The following NDST3 variants were observed in gnomAD, a reference collection of about 807,000 sequenced individuals.
NDST3 encodes the protein N-deacetylase and N-sulfotransferase 3, also known as bifunctional heparan sulfate N-deacetylase/N-sulfotransferase 3.
NDST3 carries 58 observed loss-of-function variants against 96.1 expected under a neutral mutation model. That is an observed-to-expected ratio of 0.60 (90% CI 0.49 to 0.75). The LOEUF is 0.75. Among genes scored for constraint, NDST3 ranks in the 30% least tolerant of loss-of-function variants. The probability of loss-of-function intolerance (pLI) is 0.00; values close to 1 mark genes in which losing one functional copy is unlikely to be tolerated. For missense variants in NDST3, 788 were observed against 1,034.2 expected, an observed-to-expected ratio of 0.76 and a Z score of 3.27; for synonymous variants, 333 against 359.7, an observed-to-expected ratio of 0.93 and a Z score of 0.84.
intron 6 of NDST3, among the ~76,000 whole-genome samples, chr4:118,169,505 T>A (rs544897509): frequency 2.6e-5 from 4 of 151,940 alleles, no homozygotes; most frequent in Non-Finnish European, 5.9e-5. Flanking sequence ...CAGAAAAACC[T>A]GAAGTGGGCC....
chr4:118,136,295 A>G (rs1039494437), intron 4 of NDST3, among the ~76,000 whole-genome samples: 3 of 152,228 alleles, frequency 2.0e-5, no homozygotes, highest in Non-Finnish European at 4.4e-5. Context: ...CACCAGAAAT[A>G]ATAAAGTTAC....
chr4:118,106,370 G>C lies in NDST3; in HGVS notation c.1069+1265G>C, dbSNP rs767393894. On this transcript the variant is annotated intron_variant, in intron 3 of 13. Coordinates refer to ENST00000296499, the MANE Select transcript of NDST3 (RefSeq NM_004784.3). ...ATGAATTTTTTTTCTTTTTGAGACA[G>C]GATCTTGCTCTGTTGCCCAGGATAG... 7.0e-4 allele frequency among the ~76,000 whole-genome samples: 107 copies of C among 151,952 alleles called. No individual in the cohort carries two copies. The Middle Eastern group carries it at 0.01, about 14-fold the overall frequency.
chr4:118,218,096 C>T (rs757408120), intron 6 of NDST3, among the ~76,000 whole-genome samples: 10 of 151,980 alleles, frequency 6.6e-5, no homozygotes, highest in Non-Finnish European at 1.3e-4. Context: ...GATACACAGC[C>T]GAATTCTACC....
intron 6 of NDST3, among the ~76,000 whole-genome samples, chr4:118,191,288 T>C (rs758141449): frequency 4.6e-5 from 7 of 152,180 alleles, no homozygotes; most frequent in Non-Finnish European, 8.8e-5. Context: ...TTGTGCAAAT[T>C]AAAACAATGG....
At chr4:118,201,271 A>G (rs1738068625) in intron 6 of NDST3, among the ~76,000 whole-genome samples, 1 of 152,198 alleles carries the variant, frequency 6.6e-6, no homozygotes, top group African/African-American at 2.4e-5. Flanking sequence ...TTTTTGGTAG[A>G]ATGATTTATT....
At chr4:118,170,539 C>T (rs1025090924) in intron 6 of NDST3, among the ~76,000 whole-genome samples, 17 of 152,230 alleles carry the variant, frequency 1.1e-4, no homozygotes, top group African/African-American at 3.9e-4. Flanking sequence ...ACCAGCCTGG[C>T]CAATATGGTG....
rs187823755 is a variant in NDST3 at position 118,186,417 on chromosome 4, C to T, written c.1540-38074C>T. Among the ~76,000 whole-genome samples, 9 of 152,190 alleles carry T rather than the reference C, an allele frequency of 5.9e-5. No individual in the cohort carries two copies. The East Asian group carries it at 1.7e-3, about 29-fold the overall frequency. ...ACGATCACAAGGTCTCACAATAGGCCGTCTGCAAGCCAAGGAGCAAGGAAG... is the reference window on the plus strand; with the variant it reads ...ACGATCACAAGGTCTCACAATAGGCTGTCTGCAAGCCAAGGAGCAAGGAAG... On this transcript the variant is annotated intron_variant, in intron 6 of 13. Coordinates refer to ENST00000296499, the MANE Select transcript of NDST3 (RefSeq NM_004784.3).
At chr4:118,143,999 A>C (rs1027559571) in intron 6 of NDST3, among the ~76,000 whole-genome samples, 2 of 142,692 alleles carry the variant, frequency 1.4e-5, no homozygotes, top group African/African-American at 5.4e-5. Context: ...TTCCACGGGG[A>C]ACCATTTTTT....
At chr4:118,210,790 A>C (rs1738737654) in intron 6 of NDST3, among the ~76,000 whole-genome samples, 1 of 151,602 alleles carries the variant, frequency 6.6e-6, no homozygotes, top group Non-Finnish European at 1.5e-5. Flanking sequence ...AAAAAAAAAA[A>C]AAAGCGGGGG....
chr4:118,081,149 G>C (rs1189277772), intron 2 of NDST3, among the ~76,000 whole-genome samples: 2 of 152,288 alleles, frequency 1.3e-5, no homozygotes, highest in East Asian at 3.9e-4. Context: ...AATGAGTTTT[G>C]TGATGTGAAC....
At chr4:118,245,513 T>TAA (rs1314200712) in intron 12 of NDST3, among the ~76,000 whole-genome samples, 2 of 152,200 alleles carry the variant, frequency 1.3e-5, no homozygotes, top group Admixed American at 6.5e-5. Flanking sequence ...GCTTTTAATA[T>TAA]AACTTCCTTG....
At chr4:118,177,818 TTGAA>T (rs1303192603) in intron 6 of NDST3, among the ~76,000 whole-genome samples, 3 of 151,922 alleles carry the variant, frequency 2.0e-5, no homozygotes, top group Non-Finnish European at 4.4e-5. Context: ...AATGGAAGAT[TTGAA>T]TGAGTTTTCC....
rs774676022 is a variant in NDST3, at chr4:118,054,717, G to A, written c.807G>A (p.Arg269=). The A allele has an allele frequency of 3.1e-6, 5 of 1,613,252 alleles. No individual in the cohort carries two copies. The highest frequency in any genetic ancestry group is 1.7e-4 in the Middle Eastern group (1 of 6,060). ...HDLGLHDGIQ[R]VLFGNNLNFW... The stretch of plus-strand genomic sequence containing the variant: ...TGGGGCTTCATGATGGAATTCAAAG[G>A]GTTCTTTTTGGCAACAACTTGAACT... Residue 269 remains arginine, a synonymous_variant, in exon 2 of 14, where the codon AGG becomes AGA. Coordinates refer to ENST00000296499, the MANE Select transcript of NDST3 (RefSeq NM_004784.3).
At chr4:118,194,516 T>G (rs575229356) in intron 6 of NDST3, 3 of 720,836 alleles carry the variant, frequency 4.2e-6, no homozygotes, top group East Asian at 2.6e-5. Flanking sequence ...TTTTCCCAGG[T>G]CAAAGGAGAA....
chr4:118,238,263 C>T (rs964727067), intron 10 of NDST3, among the ~76,000 whole-genome samples: 4 of 151,852 alleles, frequency 2.6e-5, no homozygotes, highest in Admixed American at 6.6e-5. Flanking sequence ...TTCTACATCC[C>T]TGAGAGCCTA....
intron 2 of NDST3, among the ~76,000 whole-genome samples, chr4:118,062,781 G>A (rs189980268): frequency 2.8e-4 from 43 of 152,170 alleles, no homozygotes; most frequent in African/African-American, 9.9e-4. Context: ...GGAGTGATTT[G>A]TTATGCAATG....
chr4:118,126,537 CAT>C (rs956364801), intron 4 of NDST3, among the ~76,000 whole-genome samples: 1,893 of 20,300 alleles, frequency 0.093, 25 homozygotes, highest in South Asian at 0.36. Flanking sequence ...TATATATACA[CAT>C]ATATATATAT....
In NDST3 at chr4:118,237,039, T is replaced by G. The variant is rs771229127; in HGVS notation, c.1944-7T>G. The G allele has an allele frequency of 6.4e-7, 1 of 1,568,606 alleles. No homozygotes were observed. Among genetic ancestry groups the G allele is most frequent in the Admixed American group, 1.8e-5 (1 of 54,708 alleles). On this transcript the variant is annotated splice_polypyrimidine_tract_variant and splice_region_variant and intron_variant, in intron 9 of 13. Coordinates refer to ENST00000296499, the MANE Select transcript of NDST3 (RefSeq NM_004784.3). Reference sequence around the variant, plus strand: ...ATCTTATTTTGAGAAAAATATTCCTTTTCTAGGTATATGGATTTCTTCCCA... The same window carrying G: ...ATCTTATTTTGAGAAAAATATTCCTGTTCTAGGTATATGGATTTCTTCCCA...
chr4:118,254,620 T>C (rs1375182188), intron 13 of NDST3, among the ~76,000 whole-genome samples: 1 of 152,220 alleles, frequency 6.6e-6, no homozygotes, highest in Non-Finnish European at 1.5e-5. Flanking sequence ...TTAGTCTAGT[T>C]AGTAGTTTCA....
Sources: gnomAD v4.1 joint callset for allele counts (sites outside exome capture counted in the v4.1 genomes callset) on GRCh38, gnomAD v4.1.1 for gene constraint, MANE v1.5 for transcripts, NCBI Gene and HGNC (gene_info 2026-07-23, HGNC 2026-07-21) for gene names.